DOCK7: variants seen among roughly 807,000 people sequenced by gnomAD.
DOCK7 encodes the protein dedicator of cytokinesis 7, also known as dedicator of cytokinesis protein 7.
A neutral mutation model predicts 271.0 loss-of-function variants in DOCK7; 138 were observed. The ratio of observed to expected loss-of-function variants is 0.51; its 90% CI spans 0.44 to 0.59. The LOEUF (loss-of-function observed/expected upper bound fraction) is 0.59, where lower values mean the gene tolerates loss of function less well. Among genes scored for constraint, DOCK7 ranks in the 20% least tolerant of loss-of-function variants. DOCK7 has a pLI of 0.00. For synonymous variants in DOCK7, 823 were observed against 876.1 expected (o/e 0.94, Z 1.07); for missense variants, 2,066 against 2,592.4 (o/e 0.80, Z 4.41).
intron 16 of DOCK7, 122 bp downstream of exon 16, chr1:62,583,062 T>C (rs1647185463): frequency 1.4e-6 from 1 of 719,324 alleles, no homozygotes. Flanking sequence ...ATTATAACTC[T>C]GATGTCAGCC....
chr1:62,552,815 G>A lies in DOCK7; in HGVS notation c.2683C>T (p.Arg895Ter), dbSNP rs1450310137. Residue 895 changes from arginine to a stop codon, truncating the protein, a stop_gained, in exon 22 of 50, where the codon CGA becomes TGA. Coordinates refer to ENST00000635253, the MANE Select transcript of DOCK7 (RefSeq NM_001367561.1). LOFTEE classifies it high-confidence loss of function. ...TCTGGATTGCTATTACTAAGGCTTC[G>A]AGAACGATTTAAATTAAGGCTTGCA... ...RPASLNLNRS[R>*]SLSNSNPDIS... 3 of 1,613,828 alleles carry A rather than the reference G, an allele frequency of 1.9e-6. No individual in the cohort carries two copies. The highest frequency in any genetic ancestry group is 1.7e-6 in the Non-Finnish European group (2 of 1,179,962).
chr1:62,597,595 T>C (rs1447204425), intron 14 of DOCK7: 5 of 1,612,812 alleles, frequency 3.1e-6, no homozygotes, highest in Non-Finnish European at 4.2e-6. Flanking sequence ...CTTCTTTTTA[T>C]TGTTCCTCTA....
At position 62,652,239 on chromosome 1, in the gene DOCK7, A is replaced by G. The variant is rs565876069; in HGVS notation, c.389+1486T>C. 1.2e-3 allele frequency among the ~76,000 whole-genome samples: 188 copies of G among 152,256 alleles called. 1 individual carries two copies. The highest frequency in any genetic ancestry group is 4.1e-3 in the African/African-American group (172 of 41,558). On this transcript the variant is annotated intron_variant, in intron 4 of 49. Transcript: ENST00000635253. ...AAGCACTACTGAAGCTTTTGCATGT[A>G]TCTTCTCCTTAGATTATTCTGTACT...
chr1:62,486,228 A>G (rs536440012), intron 43 of DOCK7: 1 of 152,274 alleles, frequency 6.6e-6, no homozygotes, highest in South Asian at 2.1e-4. Flanking sequence ...GAATTAAGGT[A>G]GATTTATAAA....
chr1:62,533,460 G>T (rs1422655815), intron 29 of DOCK7, among the ~76,000 whole-genome samples: 1 of 150,990 alleles, frequency 6.6e-6, no homozygotes, highest in Admixed American at 6.6e-5. Flanking sequence ...TGACATCACA[G>T]TCATTTGTCA....
intron 44 of DOCK7, 131 bp downstream of exon 44, chr1:62,477,569 C>A: frequency 2.2e-6 from 2 of 912,832 alleles, no homozygotes; most frequent in South Asian, 2.8e-5. Context: ...ATTAAAAGTC[C>A]TTATTCTCTA....
At chr1:62,613,800 C>T (rs1652103232) in intron 14 of DOCK7, among the ~76,000 whole-genome samples, 1 of 152,032 alleles carries the variant, frequency 6.6e-6, no homozygotes, top group East Asian at 1.9e-4. Flanking sequence ...AAGTTTCTCA[C>T]TAAAACTAAA....
chr1:62,455,627 T>C (rs1255340590), intron 49 of DOCK7, 171 bp from the exon 50 acceptor site: 9 of 632,064 alleles, frequency 1.4e-5, no homozygotes, highest in South Asian at 9.5e-5. Context: ...TTTTGGCTTA[T>C]AGATTTAGCT....
chr1:62,657,920 G>T (rs1392175427), intron 2 of DOCK7, among the ~76,000 whole-genome samples: 1 of 151,622 alleles, frequency 6.6e-6, no homozygotes, highest in East Asian at 1.9e-4. Context: ...ACATCTTCAG[G>T]GACAAACTAC....
At chr1:62,525,084 C>A (rs1292259074) in intron 31 of DOCK7, among the ~76,000 whole-genome samples, 1 of 151,258 alleles carries the variant, frequency 6.6e-6, no homozygotes, top group Non-Finnish European at 1.5e-5. Context: ...AGGCTTACTG[C>A]AAACTCCACC....
At chr1:62,540,021 C>A in intron 25 of DOCK7, 129 bp from the exon 26 acceptor site, 2 of 589,780 alleles carry the variant, frequency 3.4e-6, no homozygotes. Context: ...TTTAGCTTCT[C>A]AAATATTTTT....
Position 62,476,201 on chromosome 1 carries a change from T to C in DOCK7, c.5635-45A>G, listed in dbSNP as rs766125984. ...ACATTTTATATGAAGTTAAAAAGAC[T>C]GCGAAATAGAGAAGGCCTGAGGGTG... On this transcript the variant is annotated intron_variant, in intron 44 of 49. Coordinates refer to ENST00000635253, the MANE Select transcript of DOCK7 (RefSeq NM_001367561.1). The C allele has an allele frequency of 8.4e-6, 13 of 1,538,682 alleles. No individual in the cohort carries two copies. The East Asian group carries it at 2.7e-4, about 32-fold the overall frequency.
At chr1:62,470,128 T>C (rs186275983) in intron 48 of DOCK7, among the ~76,000 whole-genome samples, 48 of 152,330 alleles carry the variant, frequency 3.2e-4, no homozygotes, top group African/African-American at 1.1e-3. Flanking sequence ...CACATATTTA[T>C]AGCAGCACAA....
intron 10 of DOCK7, among the ~76,000 whole-genome samples, chr1:62,632,517 G>C (rs1223961770): frequency 6.6e-6 from 1 of 152,088 alleles, no homozygotes; most frequent in Non-Finnish European, 1.5e-5. Flanking sequence ...TCTGGGTTTG[G>C]GTTGCTTACC....
At chr1:62,600,275 T>C (rs1163935857) in intron 14 of DOCK7, among the ~76,000 whole-genome samples, 1 of 151,754 alleles carries the variant, frequency 6.6e-6, no homozygotes, top group Non-Finnish European at 1.5e-5. Context: ...TTTAACTTTC[T>C]CATATTTAAA....
At chr1:62,503,938 T>C (rs1166971039) in intron 37 of DOCK7, among the ~76,000 whole-genome samples, 1 of 151,746 alleles carries the variant, frequency 6.6e-6, no homozygotes, top group Non-Finnish European at 1.5e-5. Flanking sequence ...TCCCAGCTAC[T>C]TGGGAGGCTG....
chr1:62,611,537 A>C (rs967055511), intron 14 of DOCK7, among the ~76,000 whole-genome samples: 24 of 152,192 alleles, frequency 1.6e-4, no homozygotes, highest in Non-Finnish European at 3.1e-4. Flanking sequence ...TATTTCAAAA[A>C]AGGGTATCAC....
chr1:62,492,815 C>G lies in DOCK7; in HGVS notation c.5250G>C (p.Ala1750=), dbSNP rs146098559. Residue 1750 remains alanine, a synonymous_variant, in exon 41 of 50, where the codon GCG becomes GCC. Coordinates refer to ENST00000635253, the MANE Select transcript of DOCK7 (RefSeq NM_001367561.1). The part of the protein sequence containing the change: ...NISSNVLEES[A]VSDDVVSPDE... ...CTGGAGATACCACATCATCTGAGAC[C>G]GCAGATTCTTCTAAAACATTAGATG... 6.2e-7 allele frequency: 1 copy of G among 1,613,188 alleles called. No individual in the cohort carries two copies. Among genetic ancestry groups the G allele is most frequent in the African/African-American group, 1.3e-5 (1 of 74,922 alleles).
chr1:62,675,925 C>G (rs1660505782), intron 1 of DOCK7, among the ~76,000 whole-genome samples: 1 of 152,046 alleles, frequency 6.6e-6, no homozygotes, highest in East Asian at 1.9e-4. Flanking sequence ...AAATTAGAAC[C>G]CTCATACATC....
Sources: gnomAD v4.1 joint callset for allele counts (sites outside exome capture counted in the v4.1 genomes callset) on GRCh38, gnomAD v4.1.1 for gene constraint, MANE v1.5 for transcripts, NCBI Gene and HGNC (gene_info 2026-07-23, HGNC 2026-07-21) for gene names.